Variants in PARPBP observed in about 807,000 individuals in gnomAD.
The protein encoded by PARPBP is PARP1 binding protein.
Under a neutral mutation model 50.0 loss-of-function variants are expected in PARPBP, and 52 were observed. The observed-to-expected ratio is 1.04, with a 90% CI of 0.83 to 1.31. The LOEUF is 1.31. PARPBP is among the 50% of genes most tolerant of loss of function. The pLI is 0.00. For synonymous variants in PARPBP, 244 were observed against 232.1 expected, an observed-to-expected ratio of 1.05 and a Z score of -0.47; for missense variants, 697 against 672.0, an observed-to-expected ratio of 1.04 and a Z score of -0.41.
intron 6 of PARPBP, among the ~76,000 whole-genome samples, chr12:102,170,905 C>CTTTTTTTTTTTTT (rs56390964): frequency 4.4e-5 from 5 of 113,310 alleles, no homozygotes; most frequent in Admixed American, 8.9e-5. Flanking sequence ...TTTAATTTTT[C>CTTTTTTTTTTTTT]TTTTTTTTTT....
At chr12:102,129,140 A>G (rs1333576089) in intron 2 of PARPBP, among the ~76,000 whole-genome samples, 1 of 151,990 alleles carries the variant, frequency 6.6e-6, no homozygotes, top group Non-Finnish European at 1.5e-5. Flanking sequence ...TTCTTAAAAA[A>G]CGATTATTTT....
At chr12:102,132,142 T>C (rs903014101) in intron 2 of PARPBP, among the ~76,000 whole-genome samples, 3 of 151,696 alleles carry the variant, frequency 2.0e-5, no homozygotes, top group African/African-American at 7.3e-5. Flanking sequence ...GAGGTGGAGG[T>C]TGCAGTAAGC....
intron 9 of PARPBP, among the ~76,000 whole-genome samples, chr12:102,194,189 T>C (rs934682126): frequency 6.6e-6 from 1 of 152,020 alleles, no homozygotes; most frequent in African/African-American, 2.4e-5. Context: ...CATCGATCTT[T>C]GAACATATAA....
chr12:102,146,616 A>G (rs1289090449), intron 2 of PARPBP, among the ~76,000 whole-genome samples: 1 of 152,228 alleles, frequency 6.6e-6, no homozygotes, highest in Non-Finnish European at 1.5e-5. Flanking sequence ...TAAAAACCCT[A>G]GAAGAAAACC....
intron 2 of PARPBP, among the ~76,000 whole-genome samples, chr12:102,140,755 A>C (rs2138102408): frequency 6.6e-6 from 1 of 152,322 alleles, no homozygotes; most frequent in African/African-American, 2.4e-5. Context: ...GTAGTCATTC[A>C]GGAGCAGGTT....
At chr12:102,152,240 A>G (rs1329888090) in intron 3 of PARPBP, among the ~76,000 whole-genome samples, 1 of 152,206 alleles carries the variant, frequency 6.6e-6, no homozygotes. Flanking sequence ...TGAAAAACAC[A>G]GGACATAATA....
intron 2 of PARPBP, among the ~76,000 whole-genome samples, chr12:102,137,729 C>T (rs1453464950): frequency 4.6e-5 from 7 of 151,974 alleles, no homozygotes; most frequent in Non-Finnish European, 1.0e-4. Context: ...TGTTCAGTTC[C>T]CACCTATGAG....
chr12:102,136,995 C>G (rs1451493159), intron 2 of PARPBP, among the ~76,000 whole-genome samples: 1 of 152,014 alleles, frequency 6.6e-6, no homozygotes, highest in Non-Finnish European at 1.5e-5. Flanking sequence ...CACTCTGTCA[C>G]CCAGGCTGGA....
intron 6 of PARPBP, among the ~76,000 whole-genome samples, chr12:102,171,790 A>AC (rs1274026312): frequency 6.6e-6 from 1 of 151,056 alleles, no homozygotes; most frequent in Non-Finnish European, 1.5e-5. Flanking sequence ...AATGGCGTGA[A>AC]CCCGGGAGGC....
At chr12:102,146,885 AC>A (rs1885437323) in intron 2 of PARPBP, among the ~76,000 whole-genome samples, 1 of 151,746 alleles carries the variant, frequency 6.6e-6, no homozygotes, top group South Asian at 2.1e-4. Context: ...AAAACAAACA[AC>A]CCCATCAAAA....
chr12:102,151,131 CAG>C (rs1336680099), intron 3 of PARPBP, among the ~76,000 whole-genome samples: 1 of 152,096 alleles, frequency 6.6e-6, no homozygotes, highest in African/African-American at 2.4e-5. Flanking sequence ...ACGTGCGTAA[CAG>C]AACAGAGCTA....
chr12:102,129,585 A>G (rs1239242030), intron 2 of PARPBP, among the ~76,000 whole-genome samples: 2 of 152,124 alleles, frequency 1.3e-5, no homozygotes, highest in Non-Finnish European at 2.9e-5. Flanking sequence ...GCAGTTTCAA[A>G]TGTTAAATTT....
intron 4 of PARPBP, among the ~76,000 whole-genome samples, chr12:102,162,870 TTTTA>T (rs1185147951): frequency 6.6e-6 from 1 of 152,198 alleles, no homozygotes; most frequent in East Asian, 1.9e-4. Flanking sequence ...AAATTTATCT[TTTTA>T]TTTTTCCTTT....
chr12:102,129,436 G>T (rs1399941225), intron 2 of PARPBP, among the ~76,000 whole-genome samples: 1 of 152,006 alleles, frequency 6.6e-6, no homozygotes, highest in East Asian at 1.9e-4. Flanking sequence ...TTCCTTGGCT[G>T]TGCAGAAAGT....
At chr12:102,163,235 C>T (rs746119137) in intron 4 of PARPBP, among the ~76,000 whole-genome samples, 1 of 152,174 alleles carries the variant, frequency 6.6e-6, no homozygotes, top group African/African-American at 2.4e-5. Context: ...ACTACTCTAT[C>T]TTAATTATTG....
intron 1 of PARPBP, 67 bp from the exon 2 acceptor site, chr12:102,123,819 T>A (rs1181256608): frequency 1.9e-6 from 2 of 1,062,644 alleles, no homozygotes; most frequent in Non-Finnish European, 2.8e-6. Context: ...TGCTTGCCTA[T>A]ACATGTTAAA....
At chr12:102,164,778 T>A in intron 5 of PARPBP, 170 bp downstream of exon 5, 1 of 630,784 alleles carries the variant, frequency 1.6e-6, no homozygotes. Flanking sequence ...TCAAGTTTGG[T>A]AAAGGAGAAT....
chr12:102,154,038 G>A (rs1318218613), intron 4 of PARPBP, 62 bp downstream of exon 4: 1 of 1,020,758 alleles, frequency 9.8e-7, no homozygotes, highest in African/African-American at 1.6e-5. Context: ...ACTGAATTTG[G>A]TGGTACCTTA....
chr12:102,193,058 A>G (rs1480931041), intron 9 of PARPBP, among the ~76,000 whole-genome samples: 2 of 151,720 alleles, frequency 1.3e-5, no homozygotes, highest in African/African-American at 2.4e-5. Flanking sequence ...TCAGTACTTC[A>G]GGAATCCATT....
Sources: allele counts gnomAD v4.1 joint callset (sites outside exome capture counted in the v4.1 genomes callset), GRCh38; gene constraint gnomAD v4.1.1; transcripts MANE v1.5; gene names NCBI Gene and HGNC (gene_info 2026-07-23, HGNC 2026-07-21).